Variants in RAPGEF4 observed in about 807,000 individuals in gnomAD.
RAPGEF4 encodes the protein RAP guanine-nucleotide-exchange factor (GEF) 4.
RAPGEF4 carries 66 observed loss-of-function variants against 147.9 expected under a neutral mutation model. That is an observed-to-expected ratio of 0.45 (90% CI 0.37 to 0.55). RAPGEF4 has a LOEUF of 0.55. RAPGEF4 is among the 20% of genes least tolerant of loss of function. The probability of loss-of-function intolerance (pLI) is 0.00; values close to 1 mark genes in which losing one functional copy is unlikely to be tolerated. For synonymous variants in RAPGEF4, 419 were observed against 442.7 expected, an observed-to-expected ratio of 0.95 and a Z score of 0.67; for missense variants, 1,071 against 1,257.3, an observed-to-expected ratio of 0.85 and a Z score of 2.24.
chr2:172,738,247 A>G lies in RAPGEF4; in HGVS notation c.65+2199A>G, dbSNP rs973173655. On this transcript the variant is annotated intron_variant, in intron 1 of 30. Coordinates refer to ENST00000397081, the MANE Select transcript of RAPGEF4 (RefSeq NM_007023.4). Reference sequence around the variant, plus strand: ...GATCCTCTTTTCCAGGCACTGTGAAATGCTATCTTGATCCTCTTTTAAATG... The same window carrying G: ...GATCCTCTTTTCCAGGCACTGTGAAGTGCTATCTTGATCCTCTTTTAAATG... Among the ~76,000 whole-genome samples the G allele has an allele frequency of 1.6e-4, 25 of 152,146 alleles. 1 individual carries two copies. Among genetic ancestry groups the G allele is most frequent in the African/African-American group, 5.5e-4 (23 of 41,442 alleles).
intron 17 of RAPGEF4, among the ~76,000 whole-genome samples, chr2:173,003,685 T>C (rs1694170378): frequency 7.7e-6 from 1 of 130,446 alleles, no homozygotes; most frequent in Admixed American, 8.3e-5. Flanking sequence ...ATTCCAAACC[T>C]GGAGTTTGCC....
At chr2:173,015,648 G>C (rs1046825860) in intron 18 of RAPGEF4, among the ~76,000 whole-genome samples, 2 of 152,178 alleles carry the variant, frequency 1.3e-5, no homozygotes, top group Admixed American at 6.5e-5. Context: ...TTTTGTAGAT[G>C]AACTAAAGTG....
chr2:172,758,605 T>C (rs1228500548), intron 1 of RAPGEF4, among the ~76,000 whole-genome samples: 1 of 151,980 alleles, frequency 6.6e-6, no homozygotes, highest in African/African-American at 2.4e-5. Context: ...ATTTTGGAGG[T>C]AGAACCAATA....
chr2:172,739,271 A>T (rs968034754), intron 1 of RAPGEF4, among the ~76,000 whole-genome samples: 1 of 152,166 alleles, frequency 6.6e-6, no homozygotes, highest in African/African-American at 2.4e-5. Context: ...GATGGCAACT[A>T]GGAACAAATT....
chr2:172,990,501 A>G (rs948152206), intron 14 of RAPGEF4, among the ~76,000 whole-genome samples: 5 of 152,084 alleles, frequency 3.3e-5, no homozygotes, highest in African/African-American at 1.2e-4. Context: ...TTTTATAACT[A>G]ATAAATGCCT....
chr2:172,957,895 A>T (rs567224712), intron 6 of RAPGEF4, among the ~76,000 whole-genome samples: 1 of 152,382 alleles, frequency 6.6e-6, no homozygotes, highest in Admixed American at 6.5e-5. Context: ...TTGCTTTAGT[A>T]ACACTTTCTT....
At chr2:172,982,896 T>G (rs1217327443) in intron 10 of RAPGEF4, among the ~76,000 whole-genome samples, 1 of 152,192 alleles carries the variant, frequency 6.6e-6, no homozygotes, top group Non-Finnish European at 1.5e-5. Context: ...CTCTTACTAA[T>G]CGCAGATGCT....
rs545825526 is a variant in RAPGEF4 at position 172,941,676 on chromosome 2, C to T, written c.538-19084C>T. On this transcript the variant is annotated intron_variant, in intron 6 of 30. Transcript: ENST00000397081. ...TACACTTTCTGAGGAAACTGTATTA[C>T]GGCAGTACATCGTAGGAGTAAACCA... Among the ~76,000 whole-genome samples the T allele has an allele frequency of 3.0e-4, 45 of 152,240 alleles. No individual in the cohort carries two copies. In the South Asian group the frequency reaches 7.1e-3, roughly 24 times the overall value.
At chr2:172,986,263 C>T (rs897350629) in intron 12 of RAPGEF4, among the ~76,000 whole-genome samples, 1 of 152,222 alleles carries the variant, frequency 6.6e-6, no homozygotes, top group East Asian at 1.9e-4. Context: ...ATGATCACCA[C>T]GTTTAAACCG....
intron 14 of RAPGEF4, among the ~76,000 whole-genome samples, chr2:172,990,017 C>CA (rs10689863): frequency 1.6e-3 from 200 of 128,826 alleles, no homozygotes; most frequent in South Asian, 3.2e-3. Context: ...GGTCTTAATG[C>CA]AAAAAAAAAA....
At chr2:173,014,433 TG>T in intron 17 of RAPGEF4, 30 bp from the exon 18 acceptor site, 1 of 1,612,916 alleles carries the variant, frequency 6.2e-7, no homozygotes, top group Non-Finnish European at 8.5e-7. Context: ...GAGTGTGAAA[TG>T]GCTCAATTTC....
intron 4 of RAPGEF4, among the ~76,000 whole-genome samples, chr2:172,850,259 A>T (rs1396977954): frequency 6.6e-6 from 1 of 152,216 alleles, no homozygotes; most frequent in Non-Finnish European, 1.5e-5. Flanking sequence ...TCAGAAAAAA[A>T]ATCATTACTT....
At chr2:173,040,929 A>G (rs1684686707) in intron 29 of RAPGEF4, among the ~76,000 whole-genome samples, 2 of 152,178 alleles carry the variant, frequency 1.3e-5, no homozygotes, top group Non-Finnish European at 2.9e-5. Context: ...AGAGGATAAT[A>G]TGCTGGCCAC....
intron 15 of RAPGEF4, among the ~76,000 whole-genome samples, chr2:172,994,106 G>A (rs1200246933): frequency 6.6e-6 from 1 of 152,224 alleles, no homozygotes; most frequent in Non-Finnish European, 1.5e-5. Context: ...ACAAACTGAT[G>A]TATGAGTCAC....
chr2:172,747,718 C>T (rs1410858938), intron 1 of RAPGEF4, among the ~76,000 whole-genome samples: 1 of 152,196 alleles, frequency 6.6e-6, no homozygotes, highest in East Asian at 1.9e-4. Context: ...CTACCTTGGC[C>T]TGCCAAAGTG....
chr2:172,957,317 A>G (rs1360507894), intron 6 of RAPGEF4, among the ~76,000 whole-genome samples: 1 of 152,222 alleles, frequency 6.6e-6, no homozygotes, highest in Non-Finnish European at 1.5e-5. Flanking sequence ...TTATTTTTCT[A>G]CAGTGCAGCT....
At chr2:172,938,643 A>G (rs1163013454) in intron 6 of RAPGEF4, among the ~76,000 whole-genome samples, 2 of 152,216 alleles carry the variant, frequency 1.3e-5, no homozygotes, top group East Asian at 3.9e-4. Context: ...ATTTTGTCAC[A>G]GTATGCATTC....
chr2:172,806,466 C>G (rs1687507074), intron 3 of RAPGEF4, among the ~76,000 whole-genome samples: 1 of 152,134 alleles, frequency 6.6e-6, no homozygotes, highest in Admixed American at 6.5e-5. Flanking sequence ...GATAATAGCT[C>G]TTATCTTAAA....
At chr2:173,012,081 C>G (rs1695083129) in intron 17 of RAPGEF4, among the ~76,000 whole-genome samples, 1 of 152,120 alleles carries the variant, frequency 6.6e-6, no homozygotes, top group African/African-American at 2.4e-5. Context: ...GTGTGACATT[C>G]TTTTAAATTG....
Sources: allele counts gnomAD v4.1 joint callset (sites outside exome capture counted in the v4.1 genomes callset), GRCh38; gene constraint gnomAD v4.1.1; transcripts MANE v1.5; gene names NCBI Gene and HGNC (gene_info 2026-07-23, HGNC 2026-07-21).